Variants in MMP12 observed in about 807,000 individuals in gnomAD.
MMP12 encodes the protein macrophage metalloelastase.
A neutral mutation model predicts 45.2 loss-of-function variants in MMP12; 51 were observed. The observed-to-expected ratio is 1.13, with a 90% CI of 0.90 to 1.42. MMP12 has a LOEUF of 1.42. MMP12 is among the 40% of genes most tolerant of loss of function. The pLI is 0.00. For synonymous variants in MMP12, 210 were observed against 193.3 expected, an observed-to-expected ratio of 1.09 and a Z score of -0.72; for missense variants, 530 against 570.8, an observed-to-expected ratio of 0.93 and a Z score of 0.73.
In MMP12 at chr11:102,874,930, A is replaced by C; in HGVS notation, c.8T>G (p.Phe3Cys). ...GGCCTGCAGGAGCAGTATTAGAAGA[A>C]ACTTCATTGTAAACTTCTAAACGGA... MKFLLILLLQATA... is the reference protein window; with the variant it reads MKCLLILLLQATA... Residue 3 changes from phenylalanine (F) to cysteine (C), a missense_variant, in exon 1 of 10, where the codon TTT (phenylalanine) becomes TGT (cysteine). Coordinates refer to ENST00000571244, the MANE Select transcript of MMP12 (RefSeq NM_002426.6). 3 of 1,588,668 alleles carry C rather than the reference A, an allele frequency of 1.9e-6. No individual in the cohort carries two copies. The highest frequency in any genetic ancestry group is 2.6e-6 in the Non-Finnish European group (3 of 1,165,262).
At position 102,864,221 on chromosome 11, in the gene MMP12, C is replaced by T. The variant is rs372537387; in HGVS notation, c.1237G>A (p.Gly413Ser). 3.1e-6 allele frequency: 5 copies of T among 1,613,736 alleles called. No homozygotes were observed. The highest frequency in any genetic ancestry group is 4.2e-6 in the Non-Finnish European group (5 of 1,179,762). ...TTCTTGGTAATCAGTTTGGGATAAC[C>T]AGGGTCCATCATCTGTCTCCTTTCA... ...YDERRQMMDP[G>S]YPKLITKNFQ... Residue 413 changes from glycine (G) to serine (S), a missense_variant, in exon 9 of 10, where the codon GGT becomes AGT. Coordinates refer to ENST00000571244, the MANE Select transcript of MMP12 (RefSeq NM_002426.6).
chr11:102,864,677 TA>T (rs1248499790), intron 8 of MMP12, among the ~76,000 whole-genome samples: 2 of 152,368 alleles, frequency 1.3e-5, no homozygotes, highest in Non-Finnish European at 2.9e-5. Context: ...CAAAGGGTTT[TA>T]TACACACGTT....
intron 2 of MMP12, 132 bp from the exon 3 acceptor site, chr11:102,872,084 T>C: frequency 9.6e-7 from 1 of 1,040,006 alleles, no homozygotes; most frequent in Non-Finnish European, 1.3e-6. Flanking sequence ...TTTTAAAACT[T>C]GCTTCATTAA....
chr11:102,872,979 A>C lies in MMP12; in HGVS notation c.236T>G (p.Leu79Arg). 2 of 1,613,726 alleles carry C rather than the reference A, an allele frequency of 1.2e-6. No homozygotes were observed. Among genetic ancestry groups the C allele is most frequent in the Non-Finnish European group, 1.7e-6 (2 of 1,179,778 alleles). Residue 79 changes from leucine to arginine, a missense_variant, in exon 2 of 10, where the codon CTG (leucine) becomes CGG (arginine). Physicochemically the swap from Leu to Arg is moderately radical, Grantham distance 102. Transcript: ENST00000571244. ...HFLGLKVTGQ[L>R]DTSTLEMMHA... ...CATCATCTCCAGGGTAGATGTGTCC[A>C]GTTGCCCGGTCACTTTCAGACCCAA...
chr11:102,863,521 C>T (rs1859329656), intron 9 of MMP12, among the ~76,000 whole-genome samples: 2 of 152,172 alleles, frequency 1.3e-5, no homozygotes, highest in Admixed American at 1.3e-4. Context: ...CGTCTACCAA[C>T]AGCCAGTCAT....
At chr11:102,873,331 A>T (rs1859536328) in intron 1 of MMP12, among the ~76,000 whole-genome samples, 1 of 152,150 alleles carries the variant, frequency 6.6e-6, no homozygotes. Flanking sequence ...CAGGAGCAGT[A>T]GCTCAGGCCT....
At position 102,864,232 on chromosome 11, in the gene MMP12, A is replaced by T; in HGVS notation, c.1226T>A (p.Met409Lys). 6.2e-7 allele frequency: 1 copy of T among 1,613,612 alleles called. No individual in the cohort carries two copies. The highest frequency in any genetic ancestry group is 8.5e-7 in the Non-Finnish European group (1 of 1,179,632). The change falls in exon 9 of 10, where the codon ATG (methionine) becomes AAG (lysine). Residue 409 changes from methionine (M) to lysine (K), a missense_variant. By Grantham distance (95) the Met-to-Lys change is moderately conservative (BLOSUM62 -1). Coordinates refer to ENST00000571244, the MANE Select transcript of MMP12 (RefSeq NM_002426.6). ...QYWRYDERRQ[M>K]MDPGYPKLIT... ...CAGTTTGGGATAACCAGGGTCCATC[A>T]TCTGTCTCCTTTCATCATACCTGAG...
At chr11:102,872,760 G>T in intron 2 of MMP12, 105 bp downstream of exon 2, 1 of 1,220,200 alleles carries the variant, frequency 8.2e-7, no homozygotes, top group Non-Finnish European at 1.1e-6. Flanking sequence ...AATGGAGGGA[G>T]GTTACTTTAT....
At chr11:102,868,418 T>C (rs1394977430) in intron 4 of MMP12, among the ~76,000 whole-genome samples, 1 of 152,212 alleles carries the variant, frequency 6.6e-6, no homozygotes, top group Non-Finnish European at 1.5e-5. Context: ...ATGAAATATA[T>C]TCTGTTGTAA....
intron 4 of MMP12, among the ~76,000 whole-genome samples, chr11:102,868,629 G>A (rs1859440162): frequency 3.3e-5 from 5 of 152,106 alleles, no homozygotes; most frequent in Admixed American, 2.6e-4. Flanking sequence ...ACTGAGAAAT[G>A]TAACACATTA....
At chr11:102,873,135 C>T in intron 1 of MMP12, 23 bp from the exon 2 acceptor site, 1 of 1,603,618 alleles carries the variant, frequency 6.2e-7, no homozygotes, top group East Asian at 2.2e-5. Context: ...ATACATTCAG[C>T]AATGTGTAAG....
chr11:102,871,951 T>C lies in MMP12; in HGVS notation c.352A>G (p.Ile118Val), dbSNP rs1859506951. 1 of 1,603,252 alleles carries C rather than the reference T, an allele frequency of 6.2e-7. No individual in the cohort carries two copies. The highest frequency in any genetic ancestry group is 1.3e-5 in the African/African-American group (1 of 74,368). ...TTCATGTCAGGTGTGTAATTATTGA[T>C]TCTTTATCAGCAAAAAGAGAGAGAA... is the stretch of plus-strand genomic sequence containing the variant. ...VWRKHYITYR[I>V]NNYTPDMNRE... Residue 118 changes from isoleucine (I) to valine (V), a missense_variant and splice_region_variant, in exon 3 of 10, where the codon ATC becomes GTC. Transcript: ENST00000571244.
At chr11:102,868,994 C>T (rs1436328519) in intron 4 of MMP12, among the ~76,000 whole-genome samples, 4 of 151,754 alleles carry the variant, frequency 2.6e-5, no homozygotes, top group Admixed American at 6.6e-5. Flanking sequence ...CTTTTGAGTC[C>T]CATAAGAAAT....
intron 8 of MMP12, among the ~76,000 whole-genome samples, chr11:102,864,649 G>A (rs1481594787): frequency 1.3e-5 from 2 of 152,094 alleles, no homozygotes; most frequent in African/African-American, 4.8e-5. Flanking sequence ...CAGGTCAAGG[G>A]GCTAAGAGCC....
chr11:102,865,968 T>G lies in MMP12; in HGVS notation c.1046-33A>C. On this transcript the variant is annotated intron_variant, in intron 7 of 9. Coordinates refer to ENST00000571244, the MANE Select transcript of MMP12 (RefSeq NM_002426.6). This position sits in a 1 kb window ranked among gnomAD's most constrained non-coding sequence, Gnocchi z 4.1. The stretch of plus-strand genomic sequence containing the variant: ...GACAAAGAAATAGGGTAAATTTGAA[T>G]TATACAGGAAGAGTAATAAGAAAAT... 1 of 1,515,362 alleles carries G rather than the reference T, an allele frequency of 6.6e-7. No homozygotes were observed. Among genetic ancestry groups the G allele is most frequent in the Non-Finnish European group, 9.1e-7 (1 of 1,102,250 alleles). The allele number at this position is 1,515,362 out of a possible 1,614,324, so 93.9% of individuals were successfully genotyped here.
At chr11:102,864,121 C>A in intron 9 of MMP12, 25 bp downstream of exon 9, 1 of 1,456,696 alleles carries the variant, frequency 6.9e-7, no homozygotes, top group South Asian at 1.1e-5. Context: ...TTTCCAGTAT[C>A]TTCATGGTTT....
chr11:102,871,123 G>A (rs1859485655), intron 4 of MMP12, among the ~76,000 whole-genome samples: 1 of 152,236 alleles, frequency 6.6e-6, no homozygotes, highest in African/African-American at 2.4e-5. Context: ...CTAGCTACTA[G>A]GGAGGTTGAA....
chr11:102,862,845 T>G lies in MMP12; in HGVS notation c.*255A>C, dbSNP rs1555007989. On this transcript the variant is annotated 3_prime_UTR_variant, in exon 10 of 10. Transcript: ENST00000571244. ...ATGTTAGGAAGCAACTTACAGAGCA[T>G]GCTTCAAATAGAATTCTCTTGGCCT... 2 of 266,500 alleles carry G rather than the reference T, an allele frequency of 7.5e-6. No individual in the cohort carries two copies. Among genetic ancestry groups the G allele is most frequent in the Non-Finnish European group, 1.4e-5 (2 of 144,160 alleles). The allele number at this position is 266,500 out of a possible 1,614,324, so 16.5% of individuals were successfully genotyped here.
intron 8 of MMP12, among the ~76,000 whole-genome samples, chr11:102,864,671 G>A (rs1859354265): frequency 6.6e-6 from 1 of 152,144 alleles, no homozygotes; most frequent in Non-Finnish European, 1.5e-5. Context: ...GGGAACCAAA[G>A]GGTTTTATAC....
Sources: gnomAD v4.1 joint callset for allele counts (sites outside exome capture counted in the v4.1 genomes callset) on GRCh38, gnomAD v4.1.1 for gene constraint, Gnocchi (gnomAD v3.1) non-coding constraint, MANE v1.5 for transcripts, NCBI Gene and HGNC (gene_info 2026-07-23, HGNC 2026-07-21) for gene names.